MAML3: variants seen among roughly 807,000 people sequenced by gnomAD.
MAML3 encodes mastermind like transcriptional coactivator 3, also known as mastermind-like protein 3.
MAML3 carries 27 observed loss-of-function variants against 101.9 expected under a neutral mutation model. The observed-to-expected ratio is 0.27, with a 90% CI of 0.20 to 0.37. MAML3 has a LOEUF of 0.37. Ranked by LOEUF, MAML3 falls within the 10% of genes least tolerant of loss-of-function variation. The pLI is 1.00. For synonymous variants in MAML3, 501 were observed against 555.9 expected (o/e 0.90, Z 1.39); for missense variants, 1,316 against 1,444.9 (o/e 0.91, Z 1.45).
rs757987197 is a variant in MAML3 at position 139,719,378 on chromosome 4, C to T, written c.3362G>A (p.Gly1121Asp). ...GADLVDSIIKGGPGDEWMQEL... is the reference protein window; with the variant it reads ...GADLVDSIIKDGPGDEWMQEL... ...CTGCATCCACTCGTCCCCTGGCCCG[C>T]CTTTGATGATGGAGTCCACAAGGTC... Residue 1121 changes from glycine (G) to aspartate (D), a missense_variant, in exon 5 of 5, where the codon GGC becomes GAC. Gly to Asp is a moderately conservative substitution (Grantham distance 94). Coordinates refer to ENST00000509479, the MANE Select transcript of MAML3 (RefSeq NM_018717.5). The T allele has an allele frequency of 1.9e-5, 31 of 1,612,568 alleles. No homozygotes were observed. Among genetic ancestry groups the T allele is most frequent in the Non-Finnish European group, 2.5e-5 (30 of 1,179,052 alleles).
intron 2 of MAML3, among the ~76,000 whole-genome samples, chr4:139,802,171 G>A (rs1365999007): frequency 6.6e-6 from 1 of 152,182 alleles, no homozygotes; most frequent in African/African-American, 2.4e-5. Context: ...GAATGGGGTA[G>A]CAGAGAGGAG....
chr4:139,770,381 A>G (rs1245416398), intron 2 of MAML3, among the ~76,000 whole-genome samples: 1 of 152,224 alleles, frequency 6.6e-6, no homozygotes, highest in East Asian at 1.9e-4. Context: ...CGTTGTTCCC[A>G]TGGACAGGGC....
intron 1 of MAML3, among the ~76,000 whole-genome samples, chr4:139,996,842 C>T (rs527667888): frequency 2.6e-5 from 4 of 151,918 alleles, no homozygotes; most frequent in South Asian, 4.2e-4. Context: ...GGGCGGATCA[C>T]GAGGTCACAA....
At chr4:140,097,252 G>T (rs1728179308) in intron 1 of MAML3, among the ~76,000 whole-genome samples, 2 of 152,146 alleles carry the variant, frequency 1.3e-5, no homozygotes, top group African/African-American at 2.4e-5. Context: ...TTCAAGGCAG[G>T]TTCCACTTGG....
intron 1 of MAML3, among the ~76,000 whole-genome samples, chr4:139,950,576 T>C (rs1733815553): frequency 6.6e-6 from 1 of 152,160 alleles, no homozygotes; most frequent in Admixed American, 6.5e-5. Flanking sequence ...TGATTGCCCA[T>C]TGTAGTTCTT....
At chr4:139,729,177 AAAGG>A (rs1728599931) in intron 3 of MAML3, among the ~76,000 whole-genome samples, 2 of 150,508 alleles carry the variant, frequency 1.3e-5, no homozygotes, top group African/African-American at 2.4e-5. Flanking sequence ...AAAAAAAAAA[AAAGG>A]GAACATAAGT....
intron 1 of MAML3, among the ~76,000 whole-genome samples, chr4:140,071,798 T>A (rs1335513889): frequency 3.4e-5 from 4 of 118,356 alleles, no homozygotes; most frequent in African/African-American, 1.1e-4. Flanking sequence ...AAGGCACGCA[T>A]CTGCTTTATG....
In MAML3 at chr4:139,998,845, CTTCTT is replaced by C. The variant is rs202082485; in HGVS notation, c.469-107883_469-107879del. On this transcript the variant is annotated intron_variant, in intron 1 of 4. Coordinates refer to ENST00000509479, the MANE Select transcript of MAML3 (RefSeq NM_018717.5). ...CTTCTCAGCCTTTAAAAAAAAAACT[CTTCTT>C]TTCATTTTTAATCCTGGCTTCCTAT... Among the ~76,000 whole-genome samples the C allele has an allele frequency of 4.5e-3, 684 of 152,134 alleles. 12 individuals are homozygous for C. The highest frequency in any genetic ancestry group is 0.015 in the African/African-American group (641 of 41,498).
intron 2 of MAML3, among the ~76,000 whole-genome samples, chr4:139,835,196 C>T (rs1731237422): frequency 6.6e-6 from 1 of 152,246 alleles, no homozygotes; most frequent in Admixed American, 6.5e-5. Context: ...CCCTTCATCC[C>T]AGCTCAGGGA....
chr4:140,026,231 T>C (rs1264886638), intron 1 of MAML3, among the ~76,000 whole-genome samples: 1 of 152,084 alleles, frequency 6.6e-6, no homozygotes, highest in Non-Finnish European at 1.5e-5. Flanking sequence ...TACACATATA[T>C]ACATCTTTAA....
chr4:139,868,946 G>A (rs1731951853), intron 2 of MAML3, among the ~76,000 whole-genome samples: 1 of 152,200 alleles, frequency 6.6e-6, no homozygotes. Flanking sequence ...CTGTGCATAG[G>A]TTTATCCAAA....
At chr4:139,969,310 G>C (rs994581802) in intron 1 of MAML3, among the ~76,000 whole-genome samples, 3 of 151,588 alleles carry the variant, frequency 2.0e-5, no homozygotes, top group African/African-American at 7.3e-5. Context: ...GCAGGGCACG[G>C]GAAGAGAGAC....
intron 1 of MAML3, among the ~76,000 whole-genome samples, chr4:140,120,236 C>CAAA (rs35845014): frequency 2.2e-5 from 2 of 90,080 alleles, no homozygotes; most frequent in African/African-American, 8.0e-5. Flanking sequence ...GACTCCGTCT[C>CAAA]AAAAAAAAAA....
chr4:140,130,266 T>C (rs1374346594), intron 1 of MAML3, among the ~76,000 whole-genome samples: 2 of 152,168 alleles, frequency 1.3e-5, no homozygotes, highest in Admixed American at 1.3e-4. Flanking sequence ...ACCCTTAGAA[T>C]TGAAGGAACA....
chr4:140,110,092 C>G (rs1051178061), intron 1 of MAML3, among the ~76,000 whole-genome samples: 1 of 152,220 alleles, frequency 6.6e-6, no homozygotes, highest in Non-Finnish European at 1.5e-5. Context: ...TGAACTGTCC[C>G]TTTGCAGCCA....
chr4:140,111,637 T>C (rs1410812136), intron 1 of MAML3, among the ~76,000 whole-genome samples: 2 of 152,242 alleles, frequency 1.3e-5, no homozygotes, highest in African/African-American at 2.4e-5. Flanking sequence ...TTTGATAGAA[T>C]AGAGCTGGAA....
chr4:139,957,682 T>C (rs1733939926), intron 1 of MAML3, among the ~76,000 whole-genome samples: 1 of 152,252 alleles, frequency 6.6e-6, no homozygotes, highest in African/African-American at 2.4e-5. Context: ...ACTATGAAAG[T>C]AGCCAACTGC....
intron 1 of MAML3, among the ~76,000 whole-genome samples, chr4:139,938,801 A>T (rs1391934851): frequency 6.6e-6 from 1 of 152,196 alleles, no homozygotes; most frequent in Non-Finnish European, 1.5e-5. Context: ...AAATAACGAG[A>T]CTAATTTTTA....
At chr4:139,820,786 C>T (rs964855065) in intron 2 of MAML3, among the ~76,000 whole-genome samples, 4 of 152,126 alleles carry the variant, frequency 2.6e-5, no homozygotes, top group African/African-American at 9.7e-5. Flanking sequence ...TACTTTTGGT[C>T]ATAAAGGTCT....
Sources: gnomAD v4.1 joint callset for allele counts (sites outside exome capture counted in the v4.1 genomes callset) on GRCh38, gnomAD v4.1.1 for gene constraint, MANE v1.5 for transcripts, NCBI Gene and HGNC (gene_info 2026-07-23, HGNC 2026-07-21) for gene names.